The following FAM169A variants were observed in gnomAD, a reference collection of about 807,000 sequenced individuals.
FAM169A encodes family with sequence similarity 169 member A, also known as soluble lamin-associated protein of 75 kDa.
A neutral mutation model predicts 75.7 loss-of-function variants in FAM169A; 24 were observed. The observed-to-expected ratio is 0.32, with a 90% confidence interval of 0.23 to 0.45. The LOEUF (loss-of-function observed/expected upper bound fraction) is 0.45, where lower values mean the gene tolerates loss of function less well. Ranked by LOEUF, FAM169A falls within the 20% of genes least tolerant of loss-of-function variation. The pLI, the probability that FAM169A is intolerant of heterozygous loss-of-function variation, is 1.00. For synonymous variants in FAM169A, 271 were observed against 271.0 expected, an observed-to-expected ratio of 1.00 and a Z score of 0.00; for missense variants, 673 against 784.0, an observed-to-expected ratio of 0.86 and a Z score of 1.69.
Position 74,801,613 on chromosome 5 carries a change from T to A in FAM169A, c.929A>T (p.Asp310Val). Residue 310 changes from aspartate (D) to valine (V), a missense_variant, in exon 9 of 13, where the codon GAT becomes GTT. Physicochemically the swap from Asp to Val is radical, Grantham distance 152 (BLOSUM62 -3). Around this residue, in one of 3 missense-constraint regions of FAM169A, gnomAD observed 510 missense variants for 550.9 expected, o/e 0.93. Coordinates refer to ENST00000687041, the MANE Select transcript of FAM169A (RefSeq NM_001376049.1). ...ACCTTCGGAAGTGCTTGCAAAGGCA[T>A]CTTTTAGAGAATCAATCTAAAAAAG... ...EMQLTIDSLK[D>V]AFASTSEGHD... 4 of 1,610,276 alleles carry A rather than the reference T, an allele frequency of 2.5e-6. No homozygotes were observed. Among genetic ancestry groups the A allele is most frequent in the Non-Finnish European group, 3.4e-6 (4 of 1,178,494 alleles).
chr5:74,792,507 G>C (rs1053541528), intron 11 of FAM169A, among the ~76,000 whole-genome samples: 1 of 141,782 alleles, frequency 7.1e-6, no homozygotes, highest in South Asian at 2.2e-4. Context: ...TTTGGGACTC[G>C]GACTGGCTTC....
intron 5 of FAM169A, among the ~76,000 whole-genome samples, chr5:74,828,593 T>C (rs1748154087): frequency 6.6e-6 from 1 of 152,192 alleles, no homozygotes; most frequent in Admixed American, 6.5e-5. Flanking sequence ...CAGCCAATCC[T>C]TTTCTAAGGC....
chr5:74,818,029 A>G (rs1225046139), intron 5 of FAM169A, among the ~76,000 whole-genome samples: 4 of 152,198 alleles, frequency 2.6e-5, no homozygotes, highest in East Asian at 3.8e-4. Flanking sequence ...AAACCTAAAC[A>G]TAAGATCTAA....
chr5:74,863,043 A>G (rs7724292), intron 1 of FAM169A, among the ~76,000 whole-genome samples: 41,559 of 146,796 alleles, frequency 0.28, 7,247 homozygotes, highest in African/African-American at 0.49. Flanking sequence ...AAAAAAAGGC[A>G]GGGGTGGGAG....
intron 1 of FAM169A, among the ~76,000 whole-genome samples, chr5:74,844,899 T>C (rs1749072610): frequency 6.6e-6 from 1 of 152,242 alleles, no homozygotes; most frequent in Non-Finnish European, 1.5e-5. Flanking sequence ...AAAGTTAGTA[T>C]AGAATATCTT....
chr5:74,846,598 AG>A (rs1329312136), intron 1 of FAM169A, among the ~76,000 whole-genome samples: 1 of 152,240 alleles, frequency 6.6e-6, no homozygotes, highest in African/African-American at 2.4e-5. Flanking sequence ...AATAAGCAAT[AG>A]GTCATCTAAA....
At chr5:74,841,010 C>A (rs1748837496) in intron 2 of FAM169A, among the ~76,000 whole-genome samples, 1 of 151,984 alleles carries the variant, frequency 6.6e-6, no homozygotes, top group African/African-American at 2.4e-5. Flanking sequence ...TTAAAAAATT[C>A]TTTAAGTCAC....
At chr5:74,860,895 T>C (rs114816297) in intron 1 of FAM169A, among the ~76,000 whole-genome samples, 1,560 of 150,596 alleles carry the variant, frequency 0.01, 28 homozygotes, top group African/African-American at 0.036. Context: ...CCCAGAACTT[T>C]AGGAAGTCGA....
intron 1 of FAM169A, among the ~76,000 whole-genome samples, chr5:74,860,299 A>G (rs1749965885): frequency 6.6e-6 from 1 of 152,268 alleles, no homozygotes; most frequent in South Asian, 2.1e-4. Flanking sequence ...AAAAGCTTTT[A>G]GACTACAAAA....
chr5:74,784,102 C>T (rs182994123), intron 11 of FAM169A, among the ~76,000 whole-genome samples: 17 of 151,992 alleles, frequency 1.1e-4, no homozygotes, highest in East Asian at 7.7e-4. Context: ...TGACCAGAGT[C>T]GAGAGACATA....
At chr5:74,857,421 C>T (rs1011083323) in intron 1 of FAM169A, among the ~76,000 whole-genome samples, 2 of 151,090 alleles carry the variant, frequency 1.3e-5, no homozygotes, top group South Asian at 2.1e-4. Context: ...CATGGTGGTA[C>T]GCACCTGTAG....
At chr5:74,782,736 G>T (rs1745474019) in intron 12 of FAM169A, among the ~76,000 whole-genome samples, 195 bp downstream of exon 12, 1 of 151,956 alleles carries the variant, frequency 6.6e-6, no homozygotes, top group South Asian at 2.1e-4. Flanking sequence ...CCACATATCA[G>T]ATATGAATAA....
chr5:74,822,384 C>T (rs1747808215), intron 5 of FAM169A, among the ~76,000 whole-genome samples: 1 of 152,238 alleles, frequency 6.6e-6, no homozygotes, highest in South Asian at 2.1e-4. Flanking sequence ...CCTGACTGGG[C>T]AGCTCTGGCC....
At position 74,777,586 on chromosome 5, in the gene FAM169A, GTTTA is replaced by G. The variant is rs1304036697; in HGVS notation, c.*3870_*3873del. The G allele has an allele frequency of 6.8e-6, 1 of 146,068 alleles. No homozygotes were observed. Among genetic ancestry groups the G allele is most frequent in the African/African-American group, 2.6e-5 (1 of 37,880 alleles). The allele number at this position is 146,068 out of a possible 1,614,324, so 9.0% of individuals were successfully genotyped here. On this transcript the variant is annotated 3_prime_UTR_variant, in exon 13 of 13. Transcript: ENST00000687041. ...TATAATCACCACATTGTTTTAAATTGTTTATTTTTTTTTTAAAGAAGTCTGTCTT... is the reference window on the plus strand; with the variant it reads ...TATAATCACCACATTGTTTTAAATTGTTTTTTTTTTAAAGAAGTCTGTCTT...
At chr5:74,805,335 G>C in intron 6 of FAM169A, 51 bp from the exon 7 acceptor site, 1 of 1,578,474 alleles carries the variant, frequency 6.3e-7, no homozygotes, top group Non-Finnish European at 8.6e-7. Context: ...CCACTGTTTT[G>C]AAAAACAGGA....
intron 5 of FAM169A, among the ~76,000 whole-genome samples, chr5:74,819,363 G>A (rs1057335951): frequency 7.9e-5 from 12 of 152,124 alleles, no homozygotes; most frequent in African/African-American, 1.9e-4. Context: ...CGGCTACTTC[G>A]TATCTGCTAG....
At chr5:74,859,710 CA>C (rs1477832129) in intron 1 of FAM169A, among the ~76,000 whole-genome samples, 4 of 152,044 alleles carry the variant, frequency 2.6e-5, no homozygotes, top group African/African-American at 9.7e-5. Flanking sequence ...AATAAGGAAG[CA>C]AATAACTGCT....
intron 7 of FAM169A, 136 bp downstream of exon 7, chr5:74,805,020 T>A: frequency 1.4e-6 from 1 of 703,312 alleles, no homozygotes; most frequent in South Asian, 1.9e-5. Flanking sequence ...AATCACATTA[T>A]AATACACTAC....
chr5:74,823,789 A>G (rs1747879596), intron 5 of FAM169A, among the ~76,000 whole-genome samples: 1 of 152,202 alleles, frequency 6.6e-6, no homozygotes, highest in Admixed American at 6.5e-5. Flanking sequence ...TCCCAAAGAC[A>G]AGAATCACAC....
Sources: gnomAD v4.1 joint callset for allele counts (sites outside exome capture counted in the v4.1 genomes callset) on GRCh38, gnomAD v4.1.1 for gene constraint, gnomAD v4.1.1 regional missense constraint, MANE v1.5 for transcripts, NCBI Gene and HGNC (gene_info 2026-07-23, HGNC 2026-07-21) for gene names.